MDH2: variants seen among roughly 807,000 people sequenced by gnomAD.
The protein encoded by MDH2 is malate dehydrogenase 2, also known as malate dehydrogenase, mitochondrial.
Under a neutral mutation model 33.6 loss-of-function variants are expected in MDH2, and 25 were observed. The ratio of observed to expected loss-of-function variants is 0.74; its 90% CI spans 0.54 to 1.04. MDH2 has a LOEUF of 1.04. Ranked by LOEUF, MDH2 falls within the 50% of genes least tolerant of loss-of-function variation. The probability of loss-of-function intolerance (pLI) is 0.00; values close to 1 mark genes in which losing one functional copy is unlikely to be tolerated. For synonymous variants in MDH2, 193 were observed against 188.7 expected, an observed-to-expected ratio of 1.02 and a Z score of -0.19; for missense variants, 432 against 445.0, an observed-to-expected ratio of 0.97 and a Z score of 0.26.
rs139907444 is a variant in MDH2, at chr7:76,064,432, G to A, written c.727G>A (p.Gly243Arg). 6.1e-5 allele frequency: 98 copies of A among 1,611,854 alleles called. No individual in the cohort carries two copies. The highest frequency in any genetic ancestry group is 8.0e-5 in the Non-Finnish European group (94 of 1,179,208). The change falls in exon 7 of 9, where the codon GGA (glycine) becomes AGA (arginine). Residue 243 changes from glycine (G) to arginine (R), a missense_variant. Coordinates refer to ENST00000315758, the MANE Select transcript of MDH2 (RefSeq NM_005918.4). Reference sequence around the variant, plus strand: ...CACGGAGGTGGTCAAGGCTAAAGCCGGAGCAGGTAGAGTCTCAGGCAGCCC... The same window carrying A: ...CACGGAGGTGGTCAAGGCTAAAGCCAGAGCAGGTAGAGTCTCAGGCAGCCC... The part of the protein sequence containing the change: ...AGTEVVKAKA[G>R]AGSATLSMAY...
Position 76,057,417 on chromosome 7 carries a change from C to G in MDH2, c.243C>G (p.Leu81=), listed in dbSNP as rs782030029. ...GTGGGGTGTTTGTTCTAGGCTACCT[C>G]GGACCTGAACAGCTGCCTGACTGCC... ...IETKAAVKGY[L]GPEQLPDCLK... Residue 81 remains leucine (L), a synonymous_variant, in exon 3 of 9, where the codon CTC becomes CTG. Coordinates refer to ENST00000315758, the MANE Select transcript of MDH2 (RefSeq NM_005918.4). 6.2e-7 allele frequency: 1 copy of G among 1,614,148 alleles called. No individual in the cohort carries two copies. The highest frequency in any genetic ancestry group is 8.5e-7 in the Non-Finnish European group (1 of 1,180,036).
intron 3 of MDH2, 133 bp from the exon 4 acceptor site, chr7:76,057,836 C>T (rs1384281535): frequency 9.0e-6 from 7 of 777,702 alleles, no homozygotes; most frequent in South Asian, 3.3e-5. Context: ...ATCATTTACC[C>T]TGCAAGAGGG....
intron 1 of MDH2, among the ~76,000 whole-genome samples, chr7:76,051,318 ATT>A (rs11342333): frequency 6.4e-4 from 83 of 129,758 alleles, no homozygotes; most frequent in African/African-American, 1.3e-3. Context: ...CAGACTTTGG[ATT>A]TTTTTTTTTT....
chr7:76,056,627 T>C (rs550548833), intron 2 of MDH2, among the ~76,000 whole-genome samples: 1 of 152,350 alleles, frequency 6.6e-6, no homozygotes, highest in East Asian at 1.9e-4. Flanking sequence ...GAAAACATAC[T>C]TTTTCCTTCA....
At chr7:76,052,694 G>A (rs1173634430) in intron 1 of MDH2, among the ~76,000 whole-genome samples, 5 of 150,922 alleles carry the variant, frequency 3.3e-5, no homozygotes, top group African/African-American at 7.3e-5. Flanking sequence ...ACCGGTGCGC[G>A]CCACCATGTC....
In MDH2 at chr7:76,064,675, C is replaced by G. The variant is rs139296737; in HGVS notation, c.734-127C>G. 8.1e-6 allele frequency: 9 copies of G among 1,108,936 alleles called. No homozygotes were observed. In the African/African-American group the frequency reaches 1.2e-4, roughly 15 times the overall value. The allele number at this position is 1,108,936 out of a possible 1,614,324, so 68.7% of individuals were successfully genotyped here. A position where few individuals can be genotyped will look rare whatever the true frequency, so the allele number is the denominator to read the frequency against. ...CATTCATGTATAAGTAACAAGAAAT[C>G]GGGGTGCTGACTGAAATTCTCCACT... On this transcript the variant is annotated intron_variant, in intron 7 of 8. Coordinates refer to ENST00000315758, the MANE Select transcript of MDH2 (RefSeq NM_005918.4).
rs782028807 is a variant in MDH2, at chr7:76,058,097, G to A, written c.429+19G>A. 1.7e-5 allele frequency: 28 copies of A among 1,602,332 alleles called. No individual in the cohort carries two copies. Among genetic ancestry groups the A allele is most frequent in the South Asian group, 9.9e-5 (9 of 90,740 alleles). On this transcript the variant is annotated intron_variant, in intron 4 of 8. Transcript: ENST00000315758. ...CAATCCGGTGAGTGTGGCAGCACCC[G>A]GCTCTTGCAGCTATGGCAGGTGTTT...
chr7:76,055,501 C>T (rs149004918), intron 2 of MDH2, among the ~76,000 whole-genome samples: 1 of 152,124 alleles, frequency 6.6e-6, no homozygotes, highest in Non-Finnish European at 1.5e-5. Flanking sequence ...TTTGGGAGGC[C>T]AAGTCAGGAG....
At chr7:76,061,105 C>T (rs1030059856) in intron 5 of MDH2, among the ~76,000 whole-genome samples, 12 of 152,220 alleles carry the variant, frequency 7.9e-5, no homozygotes, top group African/African-American at 2.6e-4. Flanking sequence ...GTGCCAGTGC[C>T]GGGCCTGGAG....
chr7:76,063,444 G>T, intron 5 of MDH2, 71 bp from the exon 6 acceptor site: 1 of 1,470,144 alleles, frequency 6.8e-7, no homozygotes, highest in Non-Finnish European at 9.5e-7. Context: ...TGTTGGGGCT[G>T]TGGGCAGCTG....
intron 8 of MDH2, among the ~76,000 whole-genome samples, chr7:76,065,535 A>C (rs1296398182): frequency 6.6e-6 from 1 of 152,234 alleles, no homozygotes; most frequent in Non-Finnish European, 1.5e-5. Context: ...GCTCCGATAC[A>C]GAAAGATCCT....
At chr7:76,057,359 C>G (rs782652741) in intron 2 of MDH2, 51 bp from the exon 3 acceptor site, 1 of 1,603,862 alleles carries the variant, frequency 6.2e-7, no homozygotes, top group Non-Finnish European at 8.5e-7. Context: ...ACTTTCCAGG[C>G]CTCTCTGAAT....
At chr7:76,064,997 G>A (rs1554587671) in intron 8 of MDH2, 44 bp downstream of exon 8, 1 of 1,606,430 alleles carries the variant, frequency 6.2e-7, no homozygotes, top group Non-Finnish European at 8.5e-7. Flanking sequence ...GAATAAGGGG[G>A]CGTTCCCTTT....
intron 1 of MDH2, among the ~76,000 whole-genome samples, chr7:76,051,447 G>A (rs191814401): frequency 1.3e-5 from 2 of 151,342 alleles, no homozygotes; most frequent in African/African-American, 4.9e-5. Flanking sequence ...TCAGCCTTCC[G>A]AGTAGCTGGG....
intron 2 of MDH2, among the ~76,000 whole-genome samples, chr7:76,057,158 C>T (rs1039443262): frequency 1.2e-4 from 19 of 152,126 alleles, no homozygotes; most frequent in African/African-American, 4.6e-4. Context: ...TTGTGGAAAC[C>T]TGGAGGGCTG....
intron 2 of MDH2, among the ~76,000 whole-genome samples, chr7:76,056,435 G>A (rs917964821): frequency 6.6e-6 from 1 of 152,142 alleles, no homozygotes; most frequent in Non-Finnish European, 1.5e-5. Context: ...GTCTTAAGTT[G>A]GTGTGAACAG....
In MDH2 at chr7:76,054,856, G is replaced by A. The variant is rs1554585956; in HGVS notation, c.93G>A (p.Gly31=). The A allele has an allele frequency of 1.2e-6, 2 of 1,614,024 alleles. No individual in the cohort carries two copies. Among genetic ancestry groups the A allele is most frequent in the Non-Finnish European group, 1.7e-6 (2 of 1,180,004 alleles). ...AQNNAKVAVL[G]ASGGIGQPLS... is the part of the protein sequence containing the mutation. ...ACAATGCTAAAGTAGCTGTGCTAGG[G>A]GCCTCTGGAGGCATCGGGCAGCCAC... is the stretch of plus-strand genomic sequence containing the variant. The change falls in exon 2 of 9, where the codon GGG becomes GGA. Residue 31 remains glycine (G), a synonymous_variant. Transcript: ENST00000315758.
intron 5 of MDH2, among the ~76,000 whole-genome samples, chr7:76,062,245 C>G (rs945780662): frequency 6.6e-6 from 1 of 152,262 alleles, no homozygotes; most frequent in Non-Finnish European, 1.5e-5. Flanking sequence ...AGGCCAATGC[C>G]TTGTTCCCGT....
At position 76,066,584 on chromosome 7, in the gene MDH2, G is replaced by C. The variant is rs1554587959; in HGVS notation, c.*174G>C. On this transcript the variant is annotated 3_prime_UTR_variant, in exon 9 of 9. Coordinates refer to ENST00000315758, the MANE Select transcript of MDH2 (RefSeq NM_005918.4). Reference sequence around the variant, plus strand: ...GGGCGCATCAATAAAAGCCGTCCTTGATTTTATTTTTCAAGGTCCCTTCTG... The same window carrying C: ...GGGCGCATCAATAAAAGCCGTCCTTCATTTTATTTTTCAAGGTCCCTTCTG... The C allele has an allele frequency of 3.9e-6, 3 of 761,462 alleles. No individual in the cohort carries two copies. In the African/African-American group the frequency reaches 5.3e-5, roughly 14 times the overall value. 47.2% of individuals were successfully genotyped at this position (761,462 alleles called of 1,614,324 possible). A position where few individuals can be genotyped will look rare whatever the true frequency, so the allele number is the denominator to read the frequency against.
Sources: allele counts gnomAD v4.1 joint callset (sites outside exome capture counted in the v4.1 genomes callset), GRCh38; gene constraint gnomAD v4.1.1; transcripts MANE v1.5; gene names NCBI Gene and HGNC (gene_info 2026-07-23, HGNC 2026-07-21).